Variants in TRAF7 observed in about 807,000 individuals in gnomAD.
The protein encoded by TRAF7 is E3 ubiquitin-protein ligase TRAF7.
In TRAF7, 45 loss-of-function variants were observed where a neutral mutation model predicts 89.3. The ratio of observed to expected loss-of-function variants is 0.50; its 90% CI spans 0.40 to 0.65. The LOEUF is 0.65. Ranked by LOEUF, TRAF7 falls within the 30% of genes least tolerant of loss-of-function variation. The pLI is 0.00. For missense variants in TRAF7, 677 were observed against 918.1 expected, an observed-to-expected ratio of 0.74 and a Z score of 3.39; for synonymous variants, 406 against 369.2, an observed-to-expected ratio of 1.10 and a Z score of -1.14.
At chr16:2,172,801 C>T (rs144754985) in intron 9 of TRAF7, among the ~76,000 whole-genome samples, 1,971 of 151,284 alleles carry the variant, frequency 0.013, 18 homozygotes, top group Non-Finnish European at 0.021. Flanking sequence ...TGGACGCTCC[C>T]GCAGCCGGCC....
intron 1 of TRAF7, among the ~76,000 whole-genome samples, chr16:2,157,718 TG>T (rs2093040859): frequency 6.6e-6 from 1 of 152,094 alleles, no homozygotes; most frequent in Non-Finnish European, 1.5e-5. Flanking sequence ...CTGGGCAGCC[TG>T]GCTCTGGGAT....
intron 2 of TRAF7, 140 bp downstream of exon 2, chr16:2,164,141 T>G (rs1217279062): frequency 1.5e-5 from 7 of 469,514 alleles, no homozygotes; most frequent in Admixed American, 1.2e-4. Context: ...GGGGGTGTGG[T>G]GTGTGTGTGT....
At position 2,173,913 on chromosome 16, in the gene TRAF7, C is replaced by T. The variant is rs756288952; in HGVS notation, c.1136-8C>T. On this transcript the variant is annotated splice_region_variant and splice_polypyrimidine_tract_variant and intron_variant, in intron 12 of 20. Coordinates refer to ENST00000326181, the MANE Select transcript of TRAF7 (RefSeq NM_032271.3). ...CTGGGCCTTCACCCACTGCTCCCAT[C>T]TCTGCAGCCTACGACCCTCAGCAGA... 1 of 1,611,088 alleles carries T rather than the reference C, an allele frequency of 6.2e-7. No homozygotes were observed. The highest frequency in any genetic ancestry group is 8.5e-7 in the Non-Finnish European group (1 of 1,179,506).
Position 2,163,283 on chromosome 16 carries a change from C to T in TRAF7, c.-38-600C>T, listed in dbSNP as rs1174113713. On this transcript the variant is annotated intron_variant, in intron 1 of 20. Coordinates refer to ENST00000326181, the MANE Select transcript of TRAF7 (RefSeq NM_032271.3). The surrounding 1 kb of genome is among the most constrained non-coding windows in gnomAD (Gnocchi z 4.3). ...GTTCCAGGGGCGGGCTCATCTCTCTCCTGTGCTTTTTTCCGTGCAGTGCGG... is the reference window on the plus strand; with the variant it reads ...GTTCCAGGGGCGGGCTCATCTCTCTTCTGTGCTTTTTTCCGTGCAGTGCGG... Among the ~76,000 whole-genome samples the T allele has an allele frequency of 6.6e-6, 1 of 152,170 alleles. No individual in the cohort carries two copies. Among genetic ancestry groups the T allele is most frequent in the African/African-American group, 2.4e-5 (1 of 41,444 alleles).
chr16:2,176,937 T>C lies in TRAF7; in HGVS notation c.*363T>C. The stretch of plus-strand genomic sequence containing the variant: ...GTTGAAATAAATGCTCCACAGACTG[T>C]GGCTGTGAGTGGGGACAGCTCCTCG... On this transcript the variant is annotated 3_prime_UTR_variant, in exon 21 of 21. Coordinates refer to ENST00000326181, the MANE Select transcript of TRAF7 (RefSeq NM_032271.3). 2.2e-6 allele frequency: 1 copy of C among 448,738 alleles called. No individual in the cohort carries two copies. The highest frequency in any genetic ancestry group is 3.9e-5 in the East Asian group (1 of 25,790). 27.8% of individuals were successfully genotyped at this position (448,738 alleles called of 1,614,324 possible). A position where few individuals can be genotyped will look rare whatever the true frequency, so the allele number is the denominator to read the frequency against.
chr16:2,171,466 G>C, intron 6 of TRAF7, 106 bp from the exon 7 acceptor site: 1 of 1,567,446 alleles, frequency 6.4e-7, no homozygotes, highest in Non-Finnish European at 8.7e-7. Context: ...GGCCTGTCCT[G>C]GCTGCACTGG....
chr16:2,160,819 C>G (rs2093055538), intron 1 of TRAF7, among the ~76,000 whole-genome samples: 1 of 152,066 alleles, frequency 6.6e-6, no homozygotes, highest in Non-Finnish European at 1.5e-5. Context: ...GCCTCGATGA[C>G]TGTGGGGTGG....
intron 8 of TRAF7, 27 bp from the exon 9 acceptor site, chr16:2,172,438 G>A: frequency 6.2e-7 from 1 of 1,610,536 alleles, no homozygotes; most frequent in Non-Finnish European, 8.5e-7. Flanking sequence ...TCTGGCTGAG[G>A]CCTCCCCGCA....
chr16:2,173,246 C>T lies in TRAF7; in HGVS notation c.859C>T (p.Leu287=), dbSNP rs183510986. The T allele has an allele frequency of 3.7e-6, 6 of 1,613,280 alleles. No homozygotes were observed. The East Asian group carries it at 8.9e-5, about 24-fold the overall frequency. The change falls in exon 10 of 21, where the codon CTG becomes TTG. Residue 287 remains leucine, a synonymous_variant. Coordinates refer to ENST00000326181, the MANE Select transcript of TRAF7 (RefSeq NM_032271.3). The part of the protein sequence containing the change: ...THLETCRFEG[L]KEFLQQTDDR... ...CCTGGAGACTTGCCGCTTCGAGGGCCTGAAGGAGTTTCTGCAGCAGACGGA... is the reference window on the plus strand; with the variant it reads ...CCTGGAGACTTGCCGCTTCGAGGGCTTGAAGGAGTTTCTGCAGCAGACGGA...
chr16:2,173,848 C>T lies in TRAF7; in HGVS notation c.1135+12C>T, dbSNP rs1424911843. Reference sequence around the variant, plus strand: ...GGGCATCCTAGGCTGTGAGTATGGACCCGCCGTGGCTCCCGCCCACCCTCC... The same window carrying T: ...GGGCATCCTAGGCTGTGAGTATGGATCCGCCGTGGCTCCCGCCCACCCTCC... On this transcript the variant is annotated intron_variant, in intron 12 of 20. Coordinates refer to ENST00000326181, the MANE Select transcript of TRAF7 (RefSeq NM_032271.3). The T allele has an allele frequency of 3.7e-6, 6 of 1,610,888 alleles. No individual in the cohort carries two copies. Among genetic ancestry groups the T allele is most frequent in the African/African-American group, 1.3e-5 (1 of 74,840 alleles).
intron 1 of TRAF7, 120 bp downstream of exon 1, chr16:2,155,978 G>T (rs1280255342): frequency 6.7e-6 from 1 of 150,336 alleles, no homozygotes; most frequent in Admixed American, 6.6e-5. Context: ...GGGCCGGGGC[G>T]GGGAGGGGGG....
At position 2,175,536 on chromosome 16, in the gene TRAF7, A is replaced by G. The variant is rs1452553437; in HGVS notation, c.1540A>G (p.Lys514Glu). The G allele has an allele frequency of 1.9e-6, 3 of 1,613,216 alleles. No individual in the cohort carries two copies. The highest frequency in any genetic ancestry group is 1.1e-5 in the South Asian group (1 of 91,080). ...CGTGGGCACTGAGCTGAAGTTGAAG[A>G]AGGAGCTCACAGGCCTCAACCACTG... Reference protein sequence around the residue: ...DIVGTELKLKKELTGLNHWVR... With the variant: ...DIVGTELKLKEELTGLNHWVR... Residue 514 changes from lysine to glutamate, a missense_variant, in exon 17 of 21, where the codon AAG (lysine) becomes GAG (glutamate). By Grantham distance (56) the Lys-to-Glu change is moderately conservative. Transcript: ENST00000326181.
Position 2,173,756 on chromosome 16 carries a change from ACCTGCCCTCTGC to A in TRAF7, c.1087-23_1087-12del. ...CACTGGCCCCACAGCAGCCCTGCCC[ACCTGCCCTCTGC>A]CCTGCCCTTGGCCCTGCAGGACGAG... On this transcript the variant is annotated intron_variant, in intron 11 of 20. Transcript: ENST00000326181. 8.7e-6 allele frequency: 14 copies of A among 1,608,840 alleles called. No individual in the cohort carries two copies. Among genetic ancestry groups the A allele is most frequent in the Non-Finnish European group, 1.2e-5 (14 of 1,179,480 alleles).
Position 2,177,187 on chromosome 16 carries a change from C to A in TRAF7, c.*613C>A. ...AAAAGTGAGCCAGGCACCTCTGTTT[C>A]CTGCTGTTTATTGACAGCCGACGGC... On this transcript the variant is annotated 3_prime_UTR_variant, in exon 21 of 21. Coordinates refer to ENST00000326181, the MANE Select transcript of TRAF7 (RefSeq NM_032271.3). 4.1e-6 allele frequency: 1 copy of A among 245,256 alleles called. No individual in the cohort carries two copies. Among genetic ancestry groups the A allele is most frequent in the Non-Finnish European group, 8.1e-6 (1 of 123,826 alleles). The allele number at this position is 245,256 out of a possible 1,614,324, so 15.2% of individuals were successfully genotyped here.
At chr16:2,172,635 G>GGGGGGGGGGGGGGGCC in intron 9 of TRAF7, 36 bp downstream of exon 9, 1 of 1,273,318 alleles carries the variant, frequency 7.9e-7, no homozygotes, top group Non-Finnish European at 1.1e-6. Flanking sequence ...GCCGGGGTGG[G>GGGGGGGGGGGGGGGCC]CGCAGGCCCT....
Position 2,163,178 on chromosome 16 carries a change from C to T in TRAF7, c.-38-705C>T, listed in dbSNP as rs115623251. Among the ~76,000 whole-genome samples the T allele has an allele frequency of 8.2e-3, 1,246 of 152,232 alleles. 17 individuals carry two copies. Among genetic ancestry groups the T allele is most frequent in the African/African-American group, 0.028 (1,180 of 41,546 alleles). On this transcript the variant is annotated intron_variant, in intron 1 of 20. Coordinates refer to ENST00000326181, the MANE Select transcript of TRAF7 (RefSeq NM_032271.3). This position sits in a 1 kb window ranked among gnomAD's most constrained non-coding sequence, Gnocchi z 4.3. ...CCTCTCTTCTGGGGAGGGTGATTCC[C>T]GCATGCCTTCTCCCTGCCCCCCCAC...
chr16:2,166,103 G>A (rs994483102), intron 3 of TRAF7, among the ~76,000 whole-genome samples, 167 bp downstream of exon 3: 1 of 152,214 alleles, frequency 6.6e-6, no homozygotes, highest in African/African-American at 2.4e-5. Flanking sequence ...TCTCAGCCCT[G>A]GGCCTCCCCA....
chr16:2,160,368 C>T (rs1288073937), intron 1 of TRAF7, among the ~76,000 whole-genome samples: 1 of 151,942 alleles, frequency 6.6e-6, no homozygotes, highest in African/African-American at 2.4e-5. Flanking sequence ...TGACTTTTCT[C>T]TTTCAAAGAT....
chr16:2,174,379 C>T lies in TRAF7; in HGVS notation c.1346+46C>T, dbSNP rs200517116. On this transcript the variant is annotated intron_variant, in intron 14 of 20. Transcript: ENST00000326181. ...GATCAGTGATTCCCAGGACAGGAGA[C>T]GTGGCGCTGCCACCCCGTGGGCCGT... 1.8e-4 allele frequency: 285 copies of T among 1,585,982 alleles called. 1 individual carries two copies. The highest frequency in any genetic ancestry group is 9.5e-4 in the Admixed American group (56 of 58,690).
Sources: gnomAD v4.1 joint callset for allele counts (sites outside exome capture counted in the v4.1 genomes callset) on GRCh38, gnomAD v4.1.1 for gene constraint, Gnocchi (gnomAD v3.1) non-coding constraint, MANE v1.5 for transcripts, NCBI Gene and HGNC (gene_info 2026-07-23, HGNC 2026-07-21) for gene names.